Variants in CRYL1 observed in about 807,000 individuals in gnomAD.
The protein encoded by CRYL1 is lambda-crystallin homolog.
A neutral mutation model predicts 36.6 loss-of-function variants in CRYL1; 29 were observed. That is an observed-to-expected ratio of 0.79 (90% CI 0.59 to 1.08). The LOEUF (loss-of-function observed/expected upper bound fraction) is 1.08. Among genes scored for constraint, CRYL1 ranks in the 50% least tolerant of loss-of-function variants. The pLI is 0.00. For synonymous variants in CRYL1, 152 were observed against 151.5 expected (o/e 1.00, Z -0.02); for missense variants, 411 against 407.9 (o/e 1.01, Z -0.06).
chr13:20,429,224 T>G (rs1416413346), intron 5 of CRYL1, among the ~76,000 whole-genome samples: 2 of 152,210 alleles, frequency 1.3e-5, no homozygotes, highest in African/African-American at 2.4e-5. Context: ...TCTGTAAAAC[T>G]TCCCCAATTC....
At chr13:20,459,634 G>A (rs1031399959) in intron 3 of CRYL1, among the ~76,000 whole-genome samples, 5 of 152,178 alleles carry the variant, frequency 3.3e-5, no homozygotes, top group Non-Finnish European at 7.3e-5. Context: ...TCACTTATAA[G>A]TGAAATCTAA....
At chr13:20,519,487 G>A (rs1205996903) in intron 1 of CRYL1, among the ~76,000 whole-genome samples, 1 of 151,776 alleles carries the variant, frequency 6.6e-6, no homozygotes, top group African/African-American at 2.4e-5. Context: ...CATGGGTTGG[G>A]CGCAGTGGCT....
intron 2 of CRYL1, among the ~76,000 whole-genome samples, chr13:20,498,861 C>A (rs540668705): frequency 6.6e-6 from 1 of 152,322 alleles, no homozygotes; most frequent in South Asian, 2.1e-4. Context: ...AAATGAATGA[C>A]TGTTTTATAG....
At position 20,525,645 on chromosome 13, in the gene CRYL1, G is replaced by A. The variant is rs1205701277; in HGVS notation, c.41+109C>T. The A allele has an allele frequency of 1.1e-6, 1 of 917,272 alleles. No individual in the cohort carries two copies. The highest frequency in any genetic ancestry group is 1.4e-6 in the Non-Finnish European group (1 of 697,090). The allele number at this position is 917,272 out of a possible 1,614,324, so 56.8% of individuals were successfully genotyped here. A position where few individuals can be genotyped will look rare whatever the true frequency, so the allele number is the denominator to read the frequency against. On this transcript the variant is annotated intron_variant, in intron 1 of 7. Coordinates refer to ENST00000298248, the MANE Select transcript of CRYL1 (RefSeq NM_015974.3). This position sits in a 1 kb window ranked among gnomAD's most constrained non-coding sequence, Gnocchi z 4.3. The stretch of plus-strand genomic sequence containing the variant: ...CAGGGCTTCGGAGGACCGGAGGCCG[G>A]GGCGGGGACAGCGACCCGGCGCCCA...
intron 4 of CRYL1, among the ~76,000 whole-genome samples, chr13:20,438,853 T>G (rs751303572): frequency 4.1e-4 from 62 of 152,338 alleles, no homozygotes; most frequent in South Asian, 1.7e-3. Flanking sequence ...GAGCTCGCAG[T>G]TGGGGCTCAA....
chr13:20,464,355 C>T (rs1010212764), intron 3 of CRYL1, among the ~76,000 whole-genome samples: 28 of 152,292 alleles, frequency 1.8e-4, no homozygotes, highest in African/African-American at 6.3e-4. Context: ...GATTGTGCCA[C>T]TGCACTTTAG....
chr13:20,404,091 C>T lies in CRYL1; in HGVS notation c.*38G>A, dbSNP rs767860246. The stretch of plus-strand genomic sequence containing the variant: ...GGGCTTGCAGTGTTCCCAAATAGGG[C>T]CTCCAATGAGAGGAGTGGAAGCTGC... On this transcript the variant is annotated 3_prime_UTR_variant, in exon 8 of 8. Coordinates refer to ENST00000298248, the MANE Select transcript of CRYL1 (RefSeq NM_015974.3). The T allele has an allele frequency of 7.1e-7, 1 of 1,398,946 alleles. No homozygotes were observed. Among genetic ancestry groups the T allele is most frequent in the Admixed American group, 1.7e-5 (1 of 59,530 alleles). 86.7% of individuals were successfully genotyped at this position (1,398,946 alleles called of 1,614,324 possible).
At chr13:20,520,117 G>T (rs2034068538) in intron 1 of CRYL1, among the ~76,000 whole-genome samples, 1 of 152,136 alleles carries the variant, frequency 6.6e-6, no homozygotes. Flanking sequence ...GGTACTTTAA[G>T]GTTCATTGCA....
At chr13:20,431,626 T>C (rs142153254) in intron 5 of CRYL1, 49 of 1,051,172 alleles carry the variant, frequency 4.7e-5, no homozygotes, top group Admixed American at 2.0e-4. Flanking sequence ...TTCCTCTTTA[T>C]AGGTAAGACA....
chr13:20,450,854 ATATACACCATGGAATAC>A (rs1450682729), intron 3 of CRYL1, among the ~76,000 whole-genome samples: 1 of 152,166 alleles, frequency 6.6e-6, no homozygotes, highest in East Asian at 1.9e-4. Context: ...AATGTGGCAC[ATATACACCATGGAATAC>A]TATGCAGCCA....
chr13:20,455,911 T>C (rs1278659988), intron 3 of CRYL1, among the ~76,000 whole-genome samples: 1 of 152,182 alleles, frequency 6.6e-6, no homozygotes, highest in Non-Finnish European at 1.5e-5. Flanking sequence ...CAATATTATA[T>C]AAAGAGAGCC....
intron 4 of CRYL1, among the ~76,000 whole-genome samples, chr13:20,438,932 C>T (rs1011173593): frequency 6.6e-6 from 1 of 152,174 alleles, no homozygotes; most frequent in Non-Finnish European, 1.5e-5. Context: ...CTGAAAGATT[C>T]CTTGAGTGCT....
chr13:20,479,291 T>C (rs1363504115), intron 3 of CRYL1, among the ~76,000 whole-genome samples: 2 of 152,206 alleles, frequency 1.3e-5, no homozygotes, highest in Non-Finnish European at 2.9e-5. Flanking sequence ...GAAATCCAAC[T>C]GTGCTAACAC....
intron 5 of CRYL1, among the ~76,000 whole-genome samples, chr13:20,420,461 T>C (rs1193967171): frequency 2.7e-5 from 4 of 150,046 alleles, no homozygotes; most frequent in African/African-American, 9.8e-5. Flanking sequence ...CATATGTGCA[T>C]AGAGGCTCAC....
At chr13:20,483,162 T>A (rs1163434836) in intron 3 of CRYL1, among the ~76,000 whole-genome samples, 1 of 152,176 alleles carries the variant, frequency 6.6e-6, no homozygotes, top group African/African-American at 2.4e-5. Context: ...AATAATGTTA[T>A]ATATTTCAAA....
At chr13:20,483,562 C>T (rs1451940946) in intron 3 of CRYL1, among the ~76,000 whole-genome samples, 1 of 152,092 alleles carries the variant, frequency 6.6e-6, no homozygotes, top group Non-Finnish European at 1.5e-5. Context: ...GTTTTTGAGA[C>T]AGGGTCTCAC....
intron 2 of CRYL1, among the ~76,000 whole-genome samples, chr13:20,511,334 C>T (rs2033914683): frequency 6.6e-6 from 1 of 152,066 alleles, no homozygotes. Context: ...TCAAATGATC[C>T]TCCCACCTCA....
In CRYL1 at chr13:20,525,825, C is replaced by CT. The variant is rs999672980; in HGVS notation, c.-32dup. The CT allele has an allele frequency of 5.7e-6, 7 of 1,224,752 alleles. No individual in the cohort carries two copies. Among genetic ancestry groups the CT allele is most frequent in the Non-Finnish European group, 7.1e-6 (7 of 982,438 alleles). The allele number at this position is 1,224,752 out of a possible 1,614,324, so 75.9% of individuals were successfully genotyped here. On this transcript the variant is annotated 5_prime_UTR_variant, in exon 1 of 8. Coordinates refer to ENST00000298248, the MANE Select transcript of CRYL1 (RefSeq NM_015974.3). This position sits in a 1 kb window ranked among gnomAD's most constrained non-coding sequence, Gnocchi z 4.3. The stretch of plus-strand genomic sequence containing the variant: ...GGCCGGGGACGCGGCGCCGCGGGCG[C>CT]TGGGACCAGGCGCCGGCGGAGCTGC...
chr13:20,412,392 GT>G (rs2031547571), intron 6 of CRYL1, among the ~76,000 whole-genome samples: 1 of 151,984 alleles, frequency 6.6e-6, no homozygotes, highest in Admixed American at 6.6e-5. Flanking sequence ...CTTTCTATAT[GT>G]TTTCTAAGTT....
Sources: allele counts gnomAD v4.1 joint callset (sites outside exome capture counted in the v4.1 genomes callset), GRCh38; gene constraint gnomAD v4.1.1; non-coding constraint Gnocchi (gnomAD v3.1); transcripts MANE v1.5; gene names NCBI Gene and HGNC (gene_info 2026-07-23, HGNC 2026-07-21).